PPP2R2B: variants seen among roughly 807,000 people sequenced by gnomAD.
PPP2R2B encodes the protein serine/threonine-protein phosphatase 2A 55 kDa regulatory subunit B beta isoform.
In PPP2R2B, 5 loss-of-function variants were observed where a neutral mutation model predicts 46.0. The ratio of observed to expected loss-of-function variants is 0.11; its 90% CI spans 0.06 to 0.23. The LOEUF is 0.23. Among genes scored for constraint, PPP2R2B ranks in the 10% least tolerant of loss-of-function variants. The probability of loss-of-function intolerance (pLI) is 1.00; values close to 1 mark genes in which losing one functional copy is unlikely to be tolerated. For synonymous variants in PPP2R2B, 215 were observed against 206.7 expected (o/e 1.04, Z -0.34); for missense variants, 367 against 575.0 (o/e 0.64, Z 3.70).
At chr5:147,003,937 A>G (rs1408718101) in intron 1 of PPP2R2B, among the ~76,000 whole-genome samples, 2 of 152,136 alleles carry the variant, frequency 1.3e-5, no homozygotes, top group Non-Finnish European at 2.9e-5. Context: ...TACCCAATCA[A>G]CAGATATCAG....
chr5:147,066,179 A>G (rs1047969261), intron 2 of PPP2R2B, among the ~76,000 whole-genome samples: 4 of 152,170 alleles, frequency 2.6e-5, no homozygotes, highest in African/African-American at 9.6e-5. Flanking sequence ...GAACCATTCA[A>G]TCATTTAAAC....
exon 2 of PPP2R2B, chr5:147,081,114 G>A: frequency 6.5e-7 from 1 of 1,535,666 alleles, no homozygotes; most frequent in Non-Finnish European, 8.7e-7. Flanking sequence ...ACCATAGTGT[G>A]TCCTGGGTGA....
At chr5:146,973,458 G>A (rs956642164) in intron 1 of PPP2R2B, among the ~76,000 whole-genome samples, 3 of 152,202 alleles carry the variant, frequency 2.0e-5, no homozygotes, top group Admixed American at 2.0e-4. Flanking sequence ...TACTTCAGCA[G>A]CAGCCGAAGG....
At chr5:146,939,450 A>G (rs1001094604) in intron 1 of PPP2R2B, among the ~76,000 whole-genome samples, 2 of 152,198 alleles carry the variant, frequency 1.3e-5, no homozygotes, top group Admixed American at 6.5e-5. Flanking sequence ...AACTTTTGCC[A>G]TCGCTTAAAT....
intron 8 of PPP2R2B, among the ~76,000 whole-genome samples, chr5:146,597,952 C>T (rs761809373): frequency 2.0e-5 from 3 of 152,228 alleles, no homozygotes; most frequent in Non-Finnish European, 2.9e-5. Flanking sequence ...GCTCCTTCAG[C>T]GGTCTCTCTC....
chr5:146,828,730 C>T (rs559217358), intron 2 of PPP2R2B, among the ~76,000 whole-genome samples: 20 of 152,306 alleles, frequency 1.3e-4, no homozygotes, highest in African/African-American at 4.1e-4. Flanking sequence ...GCAAGCCAAA[C>T]TCTCTGAAGA....
intron 2 of PPP2R2B, among the ~76,000 whole-genome samples, chr5:146,728,526 C>G (rs1316202756): frequency 1.3e-5 from 2 of 152,130 alleles, no homozygotes; most frequent in East Asian, 3.9e-4. Context: ...TAATACTTTG[C>G]TCTCCTGTCT....
intron 5 of PPP2R2B, among the ~76,000 whole-genome samples, chr5:146,658,180 T>C (rs1454190465): frequency 2.0e-5 from 3 of 152,134 alleles, no homozygotes; most frequent in African/African-American, 7.2e-5. Flanking sequence ...GTCCACCTCA[T>C]CCTAGGTATA....
chr5:146,839,675 T>A (rs1197327931), intron 2 of PPP2R2B, among the ~76,000 whole-genome samples: 1 of 152,164 alleles, frequency 6.6e-6, no homozygotes, highest in Non-Finnish European at 1.5e-5. Flanking sequence ...CTGCTGACCA[T>A]CCCAAAAAAT....
At position 146,828,019 on chromosome 5, in the gene PPP2R2B, G is replaced by C. The variant is rs187114083; in HGVS notation, c.70+49983C>G. On this transcript the variant is annotated intron_variant, in intron 2 of 9. Transcript: ENST00000394411. ...AGTTGAAGAGAGAGAGAGAGAGAGA[G>C]AGAGACAGAGACAGAGACAGAGACA... Among the ~76,000 whole-genome samples, 176 of 145,452 alleles carry C rather than the reference G, an allele frequency of 1.2e-3. 1 individual carries two copies. The highest frequency in any genetic ancestry group is 2.0e-3 in the Non-Finnish European group (128 of 64,862).
At chr5:146,616,407 G>C (rs1357243220) in intron 7 of PPP2R2B, among the ~76,000 whole-genome samples, 1 of 152,114 alleles carries the variant, frequency 6.6e-6, no homozygotes, top group Admixed American at 6.6e-5. Context: ...AAACATTTCT[G>C]CACAGCAAAG....
chr5:146,884,117 G>A (rs1295081622), intron 1 of PPP2R2B, among the ~76,000 whole-genome samples: 1 of 122,542 alleles, frequency 8.2e-6, no homozygotes, highest in Non-Finnish European at 1.6e-5. Context: ...TTTTTTGAGA[G>A]CCAGTTGTTA....
At chr5:147,001,934 G>C (rs1222736861) in intron 1 of PPP2R2B, among the ~76,000 whole-genome samples, 1 of 152,114 alleles carries the variant, frequency 6.6e-6, no homozygotes, top group African/African-American at 2.4e-5. Context: ...AAGCCATTCA[G>C]CTTCAGGGTC....
At chr5:146,907,252 T>C (rs779668925) in intron 1 of PPP2R2B, among the ~76,000 whole-genome samples, 5 of 152,010 alleles carry the variant, frequency 3.3e-5, no homozygotes, top group Non-Finnish European at 7.4e-5. Context: ...AATCTAGAAA[T>C]AAAGCTGCAT....
In PPP2R2B at chr5:146,600,275, G is replaced by A. The variant is rs768691920; in HGVS notation, c.960+16C>T. On this transcript the variant is annotated intron_variant, in intron 8 of 9. Coordinates refer to ENST00000394411, the MANE Select transcript of PPP2R2B (RefSeq NM_181675.4). ...GGGAATGTTCAATATACCTATGGGT[G>A]CCTGGGGTTCTATACCTGGTAAGTC... The A allele has an allele frequency of 6.2e-7, 1 of 1,612,138 alleles. No individual in the cohort carries two copies. The highest frequency in any genetic ancestry group is 8.5e-7 in the Non-Finnish European group (1 of 1,179,124).
chr5:146,808,036 G>T (rs1012479710), intron 2 of PPP2R2B, among the ~76,000 whole-genome samples: 1 of 151,514 alleles, frequency 6.6e-6, no homozygotes, highest in African/African-American at 2.4e-5. Context: ...CCTGATCTCA[G>T]GTGATCTGCC....
chr5:146,796,243 C>T lies in PPP2R2B; in HGVS notation c.70+81759G>A, dbSNP rs146582352. Among the ~76,000 whole-genome samples the T allele has an allele frequency of 8.5e-5, 13 of 152,236 alleles. No homozygotes were observed. In the East Asian group the frequency reaches 2.3e-3, roughly 27 times the overall value. On this transcript the variant is annotated intron_variant, in intron 2 of 9. Transcript: ENST00000394411. The stretch of plus-strand genomic sequence containing the variant: ...ACCAATGAGAATCTTCATGATAGGT[C>T]CACGTATGCTCCCATACGTCCAAGT...
At chr5:146,847,594 T>C (rs1197601451) in intron 2 of PPP2R2B, among the ~76,000 whole-genome samples, 2 of 152,146 alleles carry the variant, frequency 1.3e-5, no homozygotes, top group Non-Finnish European at 2.9e-5. Context: ...GTGGTGGATG[T>C]AGAACACAAG....
At chr5:146,617,627 C>T (rs1267612514) in intron 7 of PPP2R2B, among the ~76,000 whole-genome samples, 1 of 151,800 alleles carries the variant, frequency 6.6e-6, no homozygotes, top group Non-Finnish European at 1.5e-5. Flanking sequence ...CATGCCTACG[C>T]TCCTTCAACA....
Sources: allele counts gnomAD v4.1 joint callset (sites outside exome capture counted in the v4.1 genomes callset), GRCh38; gene constraint gnomAD v4.1.1; transcripts MANE v1.5; gene names NCBI Gene and HGNC (gene_info 2026-07-23, HGNC 2026-07-21).